CCBE1: variants seen among roughly 807,000 people sequenced by gnomAD.
CCBE1 encodes the protein collagen and calcium binding EGF domains 1.
In CCBE1, 37 loss-of-function variants were observed where a neutral mutation model predicts 50.0. The observed-to-expected ratio is 0.74, with a 90% CI of 0.57 to 0.97. The LOEUF is 0.97. Ranked by LOEUF, CCBE1 falls within the 50% of genes least tolerant of loss-of-function variation. CCBE1 has a pLI of 0.00. For synonymous variants in CCBE1, 234 were observed against 203.7 expected, an observed-to-expected ratio of 1.15 and a Z score of -1.27; for missense variants, 538 against 523.8, an observed-to-expected ratio of 1.03 and a Z score of -0.26.
At chr18:59,518,066 AAAG>A (rs199623489) in intron 2 of CCBE1, among the ~76,000 whole-genome samples, 3 of 134,754 alleles carry the variant, frequency 2.2e-5, no homozygotes, top group Admixed American at 1.4e-4. Flanking sequence ...GTGTCCTGAG[AAAG>A]AAGGAGATGA....
intron 6 of CCBE1, among the ~76,000 whole-genome samples, chr18:59,450,014 C>T (rs952515526): frequency 1.6e-4 from 25 of 152,274 alleles, no homozygotes; most frequent in Middle Eastern, 3.4e-3. Flanking sequence ...GGCGGCTGTC[C>T]AGAATCTCTG....
chr18:59,651,587 A>G (rs995697928), intron 2 of CCBE1, among the ~76,000 whole-genome samples: 1 of 152,216 alleles, frequency 6.6e-6, no homozygotes, highest in Non-Finnish European at 1.5e-5. Context: ...CTTAGCAAGG[A>G]TCTTTCCTGA....
At chr18:59,505,388 T>G (rs1215058735) in intron 2 of CCBE1, among the ~76,000 whole-genome samples, 1 of 152,218 alleles carries the variant, frequency 6.6e-6, no homozygotes, top group Non-Finnish European at 1.5e-5. Flanking sequence ...ATGATAAAGT[T>G]GGGTGATTGC....
At chr18:59,539,922 C>G (rs1230939918) in intron 2 of CCBE1, among the ~76,000 whole-genome samples, 2 of 152,004 alleles carry the variant, frequency 1.3e-5, no homozygotes, top group African/African-American at 4.8e-5. Flanking sequence ...AATAAATAAG[C>G]TTTTTTCAAA....
chr18:59,447,440 G>A (rs560853180), intron 7 of CCBE1, among the ~76,000 whole-genome samples: 1 of 152,164 alleles, frequency 6.6e-6, no homozygotes, highest in East Asian at 1.9e-4. Flanking sequence ...AAATTTGAAT[G>A]GTAATTTAAA....
intron 2 of CCBE1, among the ~76,000 whole-genome samples, chr18:59,491,747 G>A (rs575329931): frequency 1.7e-4 from 26 of 151,964 alleles, no homozygotes; most frequent in Non-Finnish European, 3.7e-4. Flanking sequence ...CCAGTAGGTG[G>A]AGAATGCAGT....
At chr18:59,557,893 G>A (rs1021447728) in intron 2 of CCBE1, among the ~76,000 whole-genome samples, 7 of 152,098 alleles carry the variant, frequency 4.6e-5, no homozygotes, top group African/African-American at 1.7e-4. Flanking sequence ...AAGACCCTCC[G>A]CTGGTAACAA....
intron 2 of CCBE1, among the ~76,000 whole-genome samples, chr18:59,522,993 CAAAAAAAA>C (rs57217059): frequency 2.2e-5 from 2 of 89,222 alleles, no homozygotes; most frequent in Admixed American, 2.6e-4. Flanking sequence ...GACTCTGTTT[CAAAAAAAA>C]AAAAAAAAAA....
intron 2 of CCBE1, among the ~76,000 whole-genome samples, chr18:59,567,179 T>C (rs1021858635): frequency 1.3e-5 from 2 of 152,214 alleles, no homozygotes; most frequent in Admixed American, 1.3e-4. Flanking sequence ...AGTGCAGTGG[T>C]GTGATCTCGG....
chr18:59,667,419 C>T (rs972764026), intron 2 of CCBE1, among the ~76,000 whole-genome samples: 1 of 152,130 alleles, frequency 6.6e-6, no homozygotes, highest in East Asian at 1.9e-4. Flanking sequence ...AAGGTGTGCA[C>T]AGGGGTAAGA....
At chr18:59,507,897 CTT>C (rs113598829) in intron 2 of CCBE1, among the ~76,000 whole-genome samples, 4 of 143,804 alleles carry the variant, frequency 2.8e-5, no homozygotes, top group Non-Finnish European at 1.5e-5. Context: ...CTTTCTTTTC[CTT>C]TTTTTTTTTT....
chr18:59,501,074 A>C (rs1462539947), intron 2 of CCBE1, among the ~76,000 whole-genome samples: 1 of 152,254 alleles, frequency 6.6e-6, no homozygotes, highest in African/African-American at 2.4e-5. Context: ...CTAGGATTTC[A>C]ATCCCCAAAG....
At chr18:59,658,497 G>A (rs2054236008) in intron 2 of CCBE1, among the ~76,000 whole-genome samples, 1 of 141,084 alleles carries the variant, frequency 7.1e-6, no homozygotes, top group Non-Finnish European at 1.5e-5. Context: ...TAGCCCAAGA[G>A]CTCAAGGCTG....
chr18:59,526,309 ATTT>A (rs35895583), intron 2 of CCBE1, among the ~76,000 whole-genome samples: 9 of 130,180 alleles, frequency 6.9e-5, no homozygotes, highest in Non-Finnish European at 8.1e-5. Context: ...CTGATTTGAG[ATTT>A]TTTTTTTTTT....
chr18:59,612,408 C>A (rs767877782), intron 2 of CCBE1, among the ~76,000 whole-genome samples: 1 of 151,858 alleles, frequency 6.6e-6, no homozygotes, highest in Non-Finnish European at 1.5e-5. Context: ...AGGGCCCCAG[C>A]CTCCTGTCTT....
rs1912503090 is a variant in CCBE1, at chr18:59,480,168, C to CT, written c.265+17dup. The CT allele has an allele frequency of 3.3e-6, 5 of 1,516,330 alleles. No homozygotes were observed. Among genetic ancestry groups the CT allele is most frequent in the Non-Finnish European group, 4.6e-6 (5 of 1,092,148 alleles). 93.9% of individuals were successfully genotyped at this position (1,516,330 alleles called of 1,614,324 possible). ...AGTTGTGAATAAAGTCAGACAATATCTTTTTTATATTACATACCTTCTGGG... is the reference window on the plus strand; with the variant it reads ...AGTTGTGAATAAAGTCAGACAATATCTTTTTTTATATTACATACCTTCTGGG... On this transcript the variant is annotated intron_variant, in intron 3 of 10. Transcript: ENST00000439986.
chr18:59,595,681 A>T (rs948787411), intron 2 of CCBE1, among the ~76,000 whole-genome samples: 1 of 152,276 alleles, frequency 6.6e-6, no homozygotes, highest in Non-Finnish European at 1.5e-5. Flanking sequence ...AAAGGTAAAC[A>T]TGTATGAATA....
chr18:59,506,902 G>A (rs979005858), intron 2 of CCBE1, among the ~76,000 whole-genome samples: 1 of 152,222 alleles, frequency 6.6e-6, no homozygotes, highest in Non-Finnish European at 1.5e-5. Flanking sequence ...AGATATAGAA[G>A]ATGTTGAAGT....
intron 6 of CCBE1, among the ~76,000 whole-genome samples, chr18:59,451,193 T>G (rs746541231): frequency 6.6e-6 from 1 of 152,070 alleles, no homozygotes; most frequent in East Asian, 1.9e-4. Flanking sequence ...CCTGAATGAT[T>G]ATCCACACTT....
Sources: gnomAD v4.1 joint callset for allele counts (sites outside exome capture counted in the v4.1 genomes callset) on GRCh38, gnomAD v4.1.1 for gene constraint, MANE v1.5 for transcripts, NCBI Gene and HGNC (gene_info 2026-07-23, HGNC 2026-07-21) for gene names.